ANK3: variants seen among roughly 807,000 people sequenced by gnomAD.
ANK3 encodes the protein ankyrin-3.
A neutral mutation model predicts 370.9 loss-of-function variants in ANK3; 57 were observed. The observed-to-expected ratio is 0.15, with a 90% CI of 0.12 to 0.19. The LOEUF (loss-of-function observed/expected upper bound fraction) is 0.19. Among genes scored for constraint, ANK3 ranks in the 10% least tolerant of loss-of-function variants. ANK3 has a pLI of 1.00. For missense variants in ANK3, 4,439 were observed against 5,302.1 expected, an observed-to-expected ratio of 0.84 and a Z score of 5.06; for synonymous variants, 1,929 against 1,946.3, an observed-to-expected ratio of 0.99 and a Z score of 0.23.
At chr10:60,050,180 T>C (rs918607021) in intron 42 of ANK3, among the ~76,000 whole-genome samples, 1 of 152,206 alleles carries the variant, frequency 6.6e-6, no homozygotes, top group South Asian at 2.1e-4. Flanking sequence ...GAGGATTTTA[T>C]TGATAGCAGG....
intron 2 of ANK3, among the ~76,000 whole-genome samples, chr10:60,569,601 C>T (rs1431303607): frequency 2.6e-5 from 4 of 152,120 alleles, no homozygotes; most frequent in African/African-American, 9.7e-5. Context: ...TCATTATATT[C>T]CTGATCAAAA....
chr10:60,176,179 CA>C (rs1328240039), intron 18 of ANK3, among the ~76,000 whole-genome samples: 63 of 80,018 alleles, frequency 7.9e-4, no homozygotes, highest in Admixed American at 1.3e-3. Context: ...GCTAAAAATA[CA>C]AAAAAAAAAA....
intron 1 of ANK3, among the ~76,000 whole-genome samples, chr10:60,677,549 T>C (rs2079141168): frequency 6.6e-6 from 1 of 152,114 alleles, no homozygotes; most frequent in Non-Finnish European, 1.5e-5. Flanking sequence ...ATAAGCAGTT[T>C]ACAAGGTTGC....
intron 7 of ANK3, among the ~76,000 whole-genome samples, chr10:60,259,520 G>A (rs544857682): frequency 2.0e-5 from 3 of 152,214 alleles, no homozygotes; most frequent in African/African-American, 4.8e-5. Flanking sequence ...GGTTAACAAC[G>A]TGGGTCTGAT....
intron 4 of ANK3, among the ~76,000 whole-genome samples, chr10:60,274,874 C>A (rs762196536): frequency 1.3e-5 from 2 of 152,066 alleles, no homozygotes; most frequent in African/African-American, 4.8e-5. Flanking sequence ...CATACATAAC[C>A]ATTTAGTTAT....
At chr10:60,512,660 CT>C (rs760508015) in intron 2 of ANK3, among the ~76,000 whole-genome samples, 12 of 152,028 alleles carry the variant, frequency 7.9e-5, no homozygotes, top group Non-Finnish European at 1.8e-4. Context: ...CTTTCAAAAC[CT>C]TATGGCAATC....
chr10:60,186,825 C>T lies in ANK3; in HGVS notation c.1975G>A (p.Ala659Thr). 3 of 1,614,170 alleles carry T rather than the reference C, an allele frequency of 1.9e-6. No homozygotes were observed. The highest frequency in any genetic ancestry group is 2.5e-6 in the Non-Finnish European group (3 of 1,180,030). The change falls in exon 17 of 44, where the codon GCA becomes ACA. Residue 659 changes from alanine to threonine, a missense_variant. Ala to Thr is a moderately conservative substitution (Grantham distance 58, BLOSUM62 0). This residue lies in a region of ANK3 where 192 missense variants were observed against 192.1 expected (regional missense o/e 1.00). Coordinates refer to ENST00000280772, the MANE Select transcript of ANK3 (RefSeq NM_020987.5). ...TLLEYGADAN[A>T]VTRQGIASVH... ...GAAGCAATTCCTTGCCGGGTAACTG[C>T]GTTGGCATCAGCACCATATTCCAGC...
intron 4 of ANK3, among the ~76,000 whole-genome samples, chr10:60,272,119 GTGTGTGTGCA>G (rs2098000075): frequency 7.6e-6 from 1 of 131,638 alleles, no homozygotes; most frequent in South Asian, 2.5e-4. Flanking sequence ...GTGTGTGTGT[GTGTGTGTGCA>G]TGCCCATAGG....
chr10:60,302,174 A>T (rs2043962954), intron 1 of ANK3, among the ~76,000 whole-genome samples: 1 of 152,236 alleles, frequency 6.6e-6, no homozygotes, highest in Non-Finnish European at 1.5e-5. Flanking sequence ...ATAATAAATA[A>T]CTTGTTGAAT....
intron 1 of ANK3, among the ~76,000 whole-genome samples, chr10:60,348,906 A>C (rs2056285055): frequency 6.6e-6 from 1 of 152,208 alleles, no homozygotes; most frequent in Admixed American, 6.5e-5. Flanking sequence ...TATCTGCTAA[A>C]ATATCTTAGA....
At chr10:60,505,071 T>C (rs2075900645) in intron 2 of ANK3, among the ~76,000 whole-genome samples, 1 of 152,164 alleles carries the variant, frequency 6.6e-6, no homozygotes, top group South Asian at 2.1e-4. Flanking sequence ...ATGTCTAAGA[T>C]TCATTTTGTA....
At chr10:60,107,762 T>C (rs561818528) in intron 27 of ANK3, among the ~76,000 whole-genome samples, 212 of 152,028 alleles carry the variant, frequency 1.4e-3, no homozygotes, top group African/African-American at 4.6e-3. Flanking sequence ...CACACACACA[T>C]GCGCACGCGC....
chr10:60,417,915 T>A (rs1443839991), intron 2 of ANK3, among the ~76,000 whole-genome samples: 5 of 152,116 alleles, frequency 3.3e-5, no homozygotes, highest in Admixed American at 3.3e-4. Context: ...AAAGGTTTTT[T>A]AAAAAAATTT....
chr10:60,641,626 T>C (rs1235989100), intron 1 of ANK3, among the ~76,000 whole-genome samples: 4 of 151,986 alleles, frequency 2.6e-5, no homozygotes, highest in South Asian at 2.1e-4. Flanking sequence ...ATACAAAAAT[T>C]AATTCAAGAT....
At chr10:60,374,810 T>A (rs2060548600) in intron 1 of ANK3, among the ~76,000 whole-genome samples, 2 of 152,214 alleles carry the variant, frequency 1.3e-5, no homozygotes, top group Admixed American at 1.3e-4. Flanking sequence ...TCGTTGGTAC[T>A]TTTGGTACAC....
intron 8 of ANK3, among the ~76,000 whole-genome samples, chr10:60,232,691 G>C (rs181502284): frequency 6.6e-6 from 1 of 152,212 alleles, no homozygotes; most frequent in Admixed American, 6.5e-5. Context: ...TCAAGAAAAA[G>C]AAGTCTAGGT....
intron 8 of ANK3, among the ~76,000 whole-genome samples, chr10:60,231,652 T>C (rs2097248632): frequency 6.6e-6 from 1 of 152,152 alleles, no homozygotes; most frequent in South Asian, 2.1e-4. Flanking sequence ...CAATCACTAC[T>C]TCATCATTTC....
intron 1 of ANK3, among the ~76,000 whole-genome samples, chr10:60,368,520 C>T (rs918149233): frequency 7.2e-5 from 11 of 151,978 alleles, no homozygotes; most frequent in South Asian, 2.1e-4. Context: ...TGATCATCTA[C>T]GCCCTACACA....
intron 1 of ANK3, among the ~76,000 whole-genome samples, chr10:60,705,984 G>A (rs183725766): frequency 8.5e-4 from 129 of 151,906 alleles, no homozygotes; most frequent in African/African-American, 2.9e-3. Flanking sequence ...CATCTTGCCT[G>A]GCTAATTTTT....
Sources: allele counts gnomAD v4.1 joint callset (sites outside exome capture counted in the v4.1 genomes callset), GRCh38; gene constraint gnomAD v4.1.1; regional missense constraint gnomAD v4.1.1; transcripts MANE v1.5; gene names NCBI Gene and HGNC (gene_info 2026-07-23, HGNC 2026-07-21).